The following FANCM variants were observed in gnomAD, a reference collection of about 807,000 sequenced individuals.
FANCM encodes the protein FA complementation group M, also known as Fanconi anemia group M protein.
FANCM carries 140 observed loss-of-function variants against 199.5 expected under a neutral mutation model. That is an observed-to-expected ratio of 0.70 (90% confidence interval 0.61 to 0.81). FANCM has a LOEUF of 0.81. Ranked by LOEUF, FANCM falls within the 30% of genes least tolerant of loss-of-function variation. The pLI, the probability that FANCM is intolerant of heterozygous loss-of-function variation, is 0.00. For synonymous variants in FANCM, 840 were observed against 836.8 expected, an observed-to-expected ratio of 1.00 and a Z score of -0.07; for missense variants, 2,410 against 2,421.4, an observed-to-expected ratio of 1.00 and a Z score of 0.10.
intron 4 of FANCM, among the ~76,000 whole-genome samples, chr14:45,149,854 A>C (rs1886693704): frequency 6.6e-6 from 1 of 152,098 alleles, no homozygotes; most frequent in South Asian, 2.1e-4. Context: ...GGGAGGTAAC[A>C]GGTGAAATGT....
intron 3 of FANCM, among the ~76,000 whole-genome samples, chr14:45,146,809 G>A (rs1288476528): frequency 6.9e-6 from 1 of 144,498 alleles, no homozygotes; most frequent in Non-Finnish European, 1.5e-5. Context: ...TTCCAGCCTG[G>A]GCGACAGAGC....
intron 20 of FANCM, chr14:45,195,564 T>C: frequency 2.2e-6 from 1 of 456,532 alleles, no homozygotes; most frequent in South Asian, 1.5e-5. Context: ...ATTTGGCAGA[T>C]TACTTTGGAA....
intron 4 of FANCM, among the ~76,000 whole-genome samples, chr14:45,151,060 C>T (rs1232486930): frequency 6.6e-6 from 1 of 152,190 alleles, no homozygotes; most frequent in Non-Finnish European, 1.5e-5. Context: ...GAGGATGTAA[C>T]AGTGCAGAAA....
chr14:45,192,093 A>T (rs1889801176), intron 20 of FANCM, among the ~76,000 whole-genome samples: 1 of 152,108 alleles, frequency 6.6e-6, no homozygotes, highest in Non-Finnish European at 1.5e-5. Flanking sequence ...AATAATTGGG[A>T]TGTTGATCTT....
At chr14:45,179,476 T>C (rs1211927908) in intron 14 of FANCM, among the ~76,000 whole-genome samples, 1 of 152,154 alleles carries the variant, frequency 6.6e-6, no homozygotes, top group Admixed American at 6.5e-5. Context: ...TTTTGCATTT[T>C]GCTCTTATAG....
chr14:45,184,093 G>A (rs1239664626), intron 17 of FANCM, among the ~76,000 whole-genome samples, 191 bp downstream of exon 17: 1 of 151,648 alleles, frequency 6.6e-6, no homozygotes, highest in African/African-American at 2.4e-5. Context: ...GTGTTTTGAT[G>A]CTTTATCTTG....
At chr14:45,184,222 C>A (rs1889247147) in intron 17 of FANCM, among the ~76,000 whole-genome samples, 2 of 152,014 alleles carry the variant, frequency 1.3e-5, no homozygotes. Context: ...CTTTTATGAT[C>A]ATTATATTGT....
Position 45,162,995 on chromosome 14 carries a change from C to G in FANCM, c.1582-1364C>G, listed in dbSNP as rs563614390. On this transcript the variant is annotated intron_variant, in intron 9 of 22. Transcript: ENST00000267430. Reference sequence around the variant, plus strand: ...GTTTAATCATGATCATTGTTTCTCCCTGTACTCCGAGGATTTCCATATTGA... The same window carrying G: ...GTTTAATCATGATCATTGTTTCTCCGTGTACTCCGAGGATTTCCATATTGA... 6.0e-4 allele frequency among the ~76,000 whole-genome samples: 90 copies of G among 150,148 alleles called. 2 individuals are homozygous for G. Among genetic ancestry groups the G allele is most frequent in the Non-Finnish European group, 4.6e-4 (31 of 67,136 alleles).
Position 45,140,636 on chromosome 14 carries a change from T to A in FANCM, c.686T>A (p.Val229Glu). ...AAGAACTTTTTTTTTCTTAAGGTTG[T>A]AAGAGAACTAGTCAAATATACAAAT... ...ALGNYAYCQV[V>E]RELVKYTNHF... Residue 229 changes from valine (V) to glutamate (E), a missense_variant, in exon 3 of 23, where the codon GTA (valine) becomes GAA (glutamate). Val to Glu is a moderately radical substitution (Grantham distance 121). Coordinates refer to ENST00000267430, the MANE Select transcript of FANCM (RefSeq NM_020937.4). 6.3e-7 allele frequency: 1 copy of A among 1,582,498 alleles called. No homozygotes were observed.
At chr14:45,156,896 A>C (rs888109233) in intron 8 of FANCM, among the ~76,000 whole-genome samples, 2 of 149,232 alleles carry the variant, frequency 1.3e-5, no homozygotes, top group Non-Finnish European at 3.0e-5. Flanking sequence ...GCAGCCTGGC[A>C]AAAGAGTGAG....
chr14:45,199,915 G>A lies in FANCM; in HGVS notation c.6054G>A (p.Lys2018=). 1 of 1,608,020 alleles carries A rather than the reference G, an allele frequency of 6.2e-7. No individual in the cohort carries two copies. Among genetic ancestry groups the A allele is most frequent in the South Asian group, 1.1e-5 (1 of 90,970 alleles). Reference sequence around the variant, plus strand: ...TGTATGCACAAGTAACTCATCAGAAGGCTGAGGAGATCTATAGATATATTC... The same window carrying A: ...TGTATGCACAAGTAACTCATCAGAAAGCTGAGGAGATCTATAGATATATTC... ...ISMYAQVTHQ[K]AEEIYRYIHY... is the part of the protein sequence containing the mutation. The change falls in exon 23 of 23, where the codon AAG becomes AAA. Residue 2018 remains lysine (K), a synonymous_variant. Transcript: ENST00000267430.
chr14:45,136,440 G>T lies in FANCM; in HGVS notation c.409G>T (p.Val137Leu). 1 of 1,614,210 alleles carries T rather than the reference G, an allele frequency of 6.2e-7. No homozygotes were observed. Among genetic ancestry groups the T allele is most frequent in the Non-Finnish European group, 8.5e-7 (1 of 1,180,046 alleles). ...NFYRWFPSGK[V>L]VFMAPTKPLV... ...CTACCGCTGGTTCCCTTCAGGAAAG[G>T]TGGTCTTCATGGCCCCAACGAAACC... Residue 137 changes from valine to leucine, a missense_variant, in exon 1 of 23, where the codon GTG becomes TTG. Transcript: ENST00000267430.
At chr14:45,144,287 T>C (rs1886199314) in intron 3 of FANCM, among the ~76,000 whole-genome samples, 5 of 152,098 alleles carry the variant, frequency 3.3e-5, no homozygotes, top group Admixed American at 3.3e-4. Flanking sequence ...TATTTTTTTG[T>C]ACCCATTAAT....
At chr14:45,193,701 G>A (rs935629420) in intron 20 of FANCM, among the ~76,000 whole-genome samples, 3 of 151,274 alleles carry the variant, frequency 2.0e-5, no homozygotes, top group African/African-American at 7.3e-5. Flanking sequence ...GTACCACACT[G>A]TCTTGATTCC....
At chr14:45,194,587 G>A (rs989981640) in intron 20 of FANCM, among the ~76,000 whole-genome samples, 1 of 151,908 alleles carries the variant, frequency 6.6e-6, no homozygotes, top group Non-Finnish European at 1.5e-5. Context: ...ATTACTTTGT[G>A]CAGCTGCATA....
chr14:45,176,173 T>C lies in FANCM; in HGVS notation c.3419T>C (p.Val1140Ala). ...GAAAGTTTGCTGTTATTTGAAGATGTTAATACAGAGTTCGACGATGTGAGT... is the reference window on the plus strand; with the variant it reads ...GAAAGTTTGCTGTTATTTGAAGATGCTAATACAGAGTTCGACGATGTGAGT... ...QDESLLLFEDVNTEFDDVSLS... is the reference protein window; with the variant it reads ...QDESLLLFEDANTEFDDVSLS... Residue 1140 changes from valine to alanine, a missense_variant, in exon 14 of 23, where the codon GTT (valine) becomes GCT (alanine). Val to Ala is a moderately conservative substitution (Grantham distance 64, BLOSUM62 0). Transcript: ENST00000267430. 6.2e-7 allele frequency: 1 copy of C among 1,614,106 alleles called. No homozygotes were observed. The highest frequency in any genetic ancestry group is 2.2e-5 in the East Asian group (1 of 44,870).
chr14:45,200,034 A>T lies in FANCM; in HGVS notation c.*26A>T. 1 of 1,566,392 alleles carries T rather than the reference A, an allele frequency of 6.4e-7. No individual in the cohort carries two copies. The highest frequency in any genetic ancestry group is 8.8e-7 in the Non-Finnish European group (1 of 1,140,294). On this transcript the variant is annotated 3_prime_UTR_variant, in exon 23 of 23. Transcript: ENST00000267430. ...TCAAGCTGCTCAAGATGGGGTTTTC[A>T]AAGACCTCTCACAATATTAAATGCA...
chr14:45,136,556 TA>T lies in FANCM; in HGVS notation c.508+19del. ...AAATGACAGGTATCTTAGACTGGAC[TA>T]ATTTTGAAGTAAGAGCTGGGAATTC... is the stretch of plus-strand genomic sequence containing the variant. On this transcript the variant is annotated intron_variant, in intron 1 of 22. Transcript: ENST00000267430. 1 of 1,611,314 alleles carries T rather than the reference TA, an allele frequency of 6.2e-7. No individual in the cohort carries two copies. The highest frequency in any genetic ancestry group is 8.5e-7 in the Non-Finnish European group (1 of 1,179,374).
chr14:45,150,887 A>G (rs1886771627), intron 4 of FANCM, among the ~76,000 whole-genome samples: 1 of 152,244 alleles, frequency 6.6e-6, no homozygotes, highest in Non-Finnish European at 1.5e-5. Context: ...CAGCATTTAG[A>G]ACAGTGCCTG....
Sources: gnomAD v4.1 joint callset for allele counts (sites outside exome capture counted in the v4.1 genomes callset) on GRCh38, gnomAD v4.1.1 for gene constraint, MANE v1.5 for transcripts, NCBI Gene and HGNC (gene_info 2026-07-23, HGNC 2026-07-21) for gene names.